ABCB1: variants seen among roughly 807,000 people sequenced by gnomAD.
ABCB1 encodes the protein ATP-dependent translocase ABCB1.
Under a neutral mutation model 142.0 loss-of-function variants are expected in ABCB1, and 69 were observed. The observed-to-expected ratio is 0.49, with a 90% CI of 0.40 to 0.59. The LOEUF is 0.59. ABCB1 is among the 20% of genes least tolerant of loss of function. The pLI is 0.00. For synonymous variants in ABCB1, 532 were observed against 539.2 expected (o/e 0.99, Z 0.18); for missense variants, 1,326 against 1,554.7 (o/e 0.85, Z 2.47).
rs934156482 is a variant in ABCB1 at position 87,503,352 on chromosome 7, A to T, written c.*891T>A. Among the ~76,000 whole-genome samples the T allele has an allele frequency of 9.9e-5, 15 of 152,096 alleles. No homozygotes were observed. The highest frequency in any genetic ancestry group is 3.4e-4 in the African/African-American group (14 of 41,422). On this transcript the variant is annotated 3_prime_UTR_variant, in exon 28 of 28. Transcript: ENST00000622132. The stretch of plus-strand genomic sequence containing the variant: ...TTTTTTCTTTTTTTATCATGTTTGT[A>T]TCAAGATGTAGTTAAACTCATGGCA...
intron 1 of ABCB1, among the ~76,000 whole-genome samples, chr7:87,648,567 TG>T (rs1823260489): frequency 1.3e-5 from 2 of 152,078 alleles, no homozygotes; most frequent in Non-Finnish European, 2.9e-5. Flanking sequence ...TATCTTAAGT[TG>T]TATAAATGAG....
Position 87,549,462 on chromosome 7 carries a change from C to T in ABCB1, c.1611G>A (p.Gln537=), listed in dbSNP as rs201960151. The part of the protein sequence containing the change: ...RGAQLSGGQK[Q]RIAIARALVR... ...CCAGGGCACGTGCAATGGCGATCCTCTGCTTCTGCCCACCACTCAACTGGG... is the reference window on the plus strand; with the variant it reads ...CCAGGGCACGTGCAATGGCGATCCTTTGCTTCTGCCCACCACTCAACTGGG... The change falls in exon 14 of 28, where the codon CAG becomes CAA. Residue 537 remains glutamine (Q), a synonymous_variant. Transcript: ENST00000622132. 6.2e-7 allele frequency: 1 copy of T among 1,614,206 alleles called. No individual in the cohort carries two copies. The highest frequency in any genetic ancestry group is 8.5e-7 in the Non-Finnish European group (1 of 1,180,046).
chr7:87,592,092 T>C (rs767517261), intron 3 of ABCB1, among the ~76,000 whole-genome samples: 14 of 152,084 alleles, frequency 9.2e-5, no homozygotes, highest in South Asian at 6.2e-4. Flanking sequence ...ACTAAGTCAA[T>C]GGCGAAATCA....
chr7:87,619,728 A>G (rs1400369187), intron 1 of ABCB1, among the ~76,000 whole-genome samples: 1 of 150,800 alleles, frequency 6.6e-6, no homozygotes, highest in African/African-American at 2.5e-5. Context: ...ATTTTTATAT[A>G]TACACACACA....
At chr7:87,645,152 G>A (rs1198575025) in intron 1 of ABCB1, among the ~76,000 whole-genome samples, 4 of 149,698 alleles carry the variant, frequency 2.7e-5, no homozygotes, top group South Asian at 2.1e-4. Context: ...GCACGATCTC[G>A]GATCACTGCA....
At chr7:87,624,686 A>G (rs1184287019) in intron 1 of ABCB1, among the ~76,000 whole-genome samples, 4 of 152,214 alleles carry the variant, frequency 2.6e-5, no homozygotes, top group African/African-American at 9.6e-5. Flanking sequence ...AGTAACGTGG[A>G]CTCATGGAGT....
intron 9 of ABCB1, among the ~76,000 whole-genome samples, chr7:87,553,202 G>C (rs78797767): frequency 1.5e-3 from 231 of 151,942 alleles, no homozygotes; most frequent in African/African-American, 5.2e-3. Flanking sequence ...ATGCTATTGA[G>C]ATTGCTAACG....
At chr7:87,577,629 GAAATGAT>G (rs1300174373) in intron 4 of ABCB1, among the ~76,000 whole-genome samples, 4 of 152,216 alleles carry the variant, frequency 2.6e-5, no homozygotes, top group Non-Finnish European at 5.9e-5. Flanking sequence ...TAACTGGGGT[GAAATGAT>G]ATCGCATTAT....
intron 1 of ABCB1, among the ~76,000 whole-genome samples, chr7:87,706,382 G>A (rs1829586853): frequency 6.6e-6 from 1 of 152,136 alleles, no homozygotes. Flanking sequence ...AGGAGTAGAA[G>A]CAGAGAATTT....
chr7:87,505,820 TG>T, intron 27 of ABCB1, 76 bp downstream of exon 27: 1 of 1,554,162 alleles, frequency 6.4e-7, no homozygotes, highest in Non-Finnish European at 8.9e-7. Context: ...GGCTGCATTT[TG>T]TTCTTTACTA....
intron 13 of ABCB1, 78 bp downstream of exon 13, chr7:87,549,773 G>T: frequency 6.6e-7 from 1 of 1,513,522 alleles, no homozygotes; most frequent in Admixed American, 1.7e-5. Flanking sequence ...ATTTATAGTA[G>T]TTTCCTAACT....
At chr7:87,679,938 A>G (rs893386340) in intron 1 of ABCB1, among the ~76,000 whole-genome samples, 2 of 150,540 alleles carry the variant, frequency 1.3e-5, no homozygotes, top group African/African-American at 4.9e-5. Context: ...TTTTAAACAA[A>G]TTATACTTTA....
chr7:87,587,604 G>C (rs1327555280), intron 3 of ABCB1, among the ~76,000 whole-genome samples: 1 of 152,142 alleles, frequency 6.6e-6, no homozygotes, highest in Non-Finnish European at 1.5e-5. Context: ...GGGTGCAGTG[G>C]CTCACACCTG....
intron 1 of ABCB1, among the ~76,000 whole-genome samples, chr7:87,707,835 T>C (rs1829745700): frequency 6.6e-6 from 1 of 152,184 alleles, no homozygotes; most frequent in African/African-American, 2.4e-5. Context: ...GTATGTTCTC[T>C]AACCACAGTG....
intron 1 of ABCB1, among the ~76,000 whole-genome samples, chr7:87,628,052 T>C (rs1467643293): frequency 6.6e-6 from 1 of 152,186 alleles, no homozygotes; most frequent in Non-Finnish European, 1.5e-5. Flanking sequence ...GCGCGCTGCT[T>C]TCTAGGCAGG....
At chr7:87,532,676 T>C (rs1297890037) in intron 20 of ABCB1, among the ~76,000 whole-genome samples, 1 of 152,188 alleles carries the variant, frequency 6.6e-6, no homozygotes, top group Non-Finnish European at 1.5e-5. Context: ...TTGTTTAGCA[T>C]GTAATCAAGA....
chr7:87,702,728 G>A (rs957898419), intron 1 of ABCB1, among the ~76,000 whole-genome samples: 6 of 152,082 alleles, frequency 3.9e-5, no homozygotes, highest in South Asian at 2.1e-4. Context: ...CAAATGGATC[G>A]AACATCCCAA....
chr7:87,691,408 T>C (rs1423121254), intron 1 of ABCB1, among the ~76,000 whole-genome samples: 1 of 152,208 alleles, frequency 6.6e-6, no homozygotes, highest in Non-Finnish European at 1.5e-5. Context: ...TACTGTTGTA[T>C]TTGAATGCAT....
intron 1 of ABCB1, 86 bp from the exon 2 acceptor site, chr7:87,600,276 C>G (rs1819394679): frequency 8.6e-7 from 1 of 1,164,298 alleles, no homozygotes; most frequent in Admixed American, 1.9e-5. Context: ...CCCGTCGAAG[C>G]CAGAGAGCAG....
Sources: gnomAD v4.1 joint callset for allele counts (sites outside exome capture counted in the v4.1 genomes callset) on GRCh38, gnomAD v4.1.1 for gene constraint, MANE v1.5 for transcripts, NCBI Gene and HGNC (gene_info 2026-07-23, HGNC 2026-07-21) for gene names.